Variants in ACVR1 observed in about 807,000 individuals in gnomAD.
ACVR1 encodes activin receptor type-1.
A neutral mutation model predicts 57.1 loss-of-function variants in ACVR1; 38 were observed. The observed-to-expected ratio is 0.67, with a 90% CI of 0.51 to 0.87. The LOEUF (loss-of-function observed/expected upper bound fraction) is 0.87, where lower values mean the gene tolerates loss of function less well. ACVR1 is among the 40% of genes least tolerant of loss of function. ACVR1 has a pLI of 0.00. For missense variants in ACVR1, 463 were observed against 638.2 expected, an observed-to-expected ratio of 0.73 and a Z score of 2.96; for synonymous variants, 212 against 228.1, an observed-to-expected ratio of 0.93 and a Z score of 0.63.
Position 157,875,849 on chromosome 2 carries a change from G to T in ACVR1, c.-236C>A. The T allele has an allele frequency of 6.7e-6, 1 of 149,244 alleles. No individual in the cohort carries two copies. Among genetic ancestry groups the T allele is most frequent in the East Asian group, 2.0e-4 (1 of 5,096 alleles). 9.2% of individuals were successfully genotyped at this position (149,244 alleles called of 1,614,324 possible). On this transcript the variant is annotated 5_prime_UTR_variant, in exon 1 of 11. In the 5' UTR this introduces an upstream ATG that the reference lacks. Transcript: ENST00000434821. ...GCCGGGGGAGGCGGAGTGCGAGGCA[G>T]CCGGGCGCTGCAGGTCGGCGCGGCG...
At chr2:157,816,721 A>C (rs1687952809) in intron 2 of ACVR1, among the ~76,000 whole-genome samples, 1 of 152,210 alleles carries the variant, frequency 6.6e-6, no homozygotes, top group Admixed American at 6.5e-5. Flanking sequence ...AAATCTAAGG[A>C]GGCTGCACAG....
chr2:157,766,028 T>G lies in ACVR1; in HGVS notation c.959A>C (p.His320Pro). The change falls in exon 8 of 11, where the codon CAC becomes CCC. Residue 320 changes from histidine (H) to proline (P), a missense_variant. This residue lies in a region of ACVR1 where 114 missense variants were observed against 216.2 expected (regional missense o/e 0.53). Coordinates refer to ENST00000434821, the MANE Select transcript of ACVR1 (RefSeq NM_001111067.4). ...LSIASGLAHL[H>P]IEIFGTQGKP... ...CCCTTGGGTCCCAAATATCTCTATGTGCAAATGTGCAAGACCACTAGCTAT... is the reference window on the plus strand; with the variant it reads ...CCCTTGGGTCCCAAATATCTCTATGGGCAAATGTGCAAGACCACTAGCTAT... 1 of 1,614,174 alleles carries G rather than the reference T, an allele frequency of 6.2e-7. No individual in the cohort carries two copies. Among genetic ancestry groups the G allele is most frequent in the Non-Finnish European group, 8.5e-7 (1 of 1,180,008 alleles).
At chr2:157,749,186 A>G (rs907387506) in intron 9 of ACVR1, among the ~76,000 whole-genome samples, 6 of 152,188 alleles carry the variant, frequency 3.9e-5, no homozygotes, top group African/African-American at 7.2e-5. Flanking sequence ...GGCATGCCCA[A>G]TTTGAAAGAG....
chr2:157,823,872 A>T (rs949810929), intron 1 of ACVR1, among the ~76,000 whole-genome samples: 6 of 152,158 alleles, frequency 3.9e-5, no homozygotes, highest in Non-Finnish European at 8.8e-5. Context: ...TGAGGCAACA[A>T]AGGCAGTGAG....
At chr2:157,822,348 T>C (rs562955583) in intron 1 of ACVR1, among the ~76,000 whole-genome samples, 1 of 152,362 alleles carries the variant, frequency 6.6e-6, no homozygotes, top group Non-Finnish European at 1.5e-5. Context: ...AGCTATCATT[T>C]AGTGAGCTCT....
At chr2:157,850,923 C>T (rs186064225) in intron 1 of ACVR1, among the ~76,000 whole-genome samples, 1 of 152,152 alleles carries the variant, frequency 6.6e-6, no homozygotes, top group African/African-American at 2.4e-5. Flanking sequence ...CGCCACTGCA[C>T]TCCAGTCTGG....
intron 9 of ACVR1, among the ~76,000 whole-genome samples, chr2:157,756,143 TCA>T (rs1364534228): frequency 6.6e-6 from 1 of 152,066 alleles, no homozygotes; most frequent in Admixed American, 6.6e-5. Context: ...TCCTCATCCT[TCA>T]CCTTATATAA....
intron 1 of ACVR1, among the ~76,000 whole-genome samples, chr2:157,826,938 A>G (rs1688406433): frequency 6.7e-6 from 1 of 149,924 alleles, no homozygotes; most frequent in Admixed American, 6.6e-5. Context: ...AGAAAGAAAG[A>G]GAGAAACAGA....
intron 3 of ACVR1, among the ~76,000 whole-genome samples, chr2:157,795,898 A>G (rs952442731): frequency 7.3e-5 from 11 of 151,644 alleles, no homozygotes; most frequent in Admixed American, 6.6e-5. Flanking sequence ...TGCCTACATC[A>G]CAGGTCCACC....
intron 1 of ACVR1, among the ~76,000 whole-genome samples, chr2:157,834,985 T>A (rs1688727817): frequency 6.6e-6 from 1 of 152,214 alleles, no homozygotes; most frequent in Admixed American, 6.5e-5. Context: ...GATCTTGAGC[T>A]GCCCAGCCTC....
chr2:157,845,430 A>G (rs1689100806), intron 1 of ACVR1, among the ~76,000 whole-genome samples: 1 of 152,172 alleles, frequency 6.6e-6, no homozygotes, highest in Admixed American at 6.5e-5. Context: ...TACACATTGG[A>G]GTCATGCTGC....
At position 157,778,351 on chromosome 2, in the gene ACVR1, G is replaced by A; in HGVS notation, c.332-9C>T. The A allele has an allele frequency of 6.2e-7, 1 of 1,608,532 alleles. No individual in the cohort carries two copies. Among genetic ancestry groups the A allele is most frequent in the Non-Finnish European group, 8.5e-7 (1 of 1,175,792 alleles). ...TCCAGGGAAGGATTTTCCTGGAGTTGGAGGGAAAAGGGGGAATTAGTTGTA... is the reference window on the plus strand; with the variant it reads ...TCCAGGGAAGGATTTTCCTGGAGTTAGAGGGAAAAGGGGGAATTAGTTGTA... On this transcript the variant is annotated splice_polypyrimidine_tract_variant and intron_variant, in intron 4 of 10. Transcript: ENST00000434821.
intron 9 of ACVR1, 28 bp downstream of exon 9, chr2:157,760,852 A>T: frequency 6.2e-7 from 1 of 1,609,494 alleles, no homozygotes. Flanking sequence ...TTGGATTAAG[A>T]CAATATTATA....
At chr2:157,824,300 T>C (rs1688259060) in intron 1 of ACVR1, among the ~76,000 whole-genome samples, 1 of 151,986 alleles carries the variant, frequency 6.6e-6, no homozygotes, top group Admixed American at 6.6e-5. Flanking sequence ...AGACCCCATC[T>C]CTACAAAAAA....
chr2:157,856,391 T>C (rs1000025538), intron 1 of ACVR1, among the ~76,000 whole-genome samples: 3 of 152,202 alleles, frequency 2.0e-5, no homozygotes, highest in African/African-American at 4.8e-5. Context: ...AGTTCTGTAT[T>C]CTCTTTCATC....
intron 6 of ACVR1, among the ~76,000 whole-genome samples, chr2:157,771,542 G>A (rs112246998): frequency 5.6e-4 from 86 of 152,270 alleles, no homozygotes; most frequent in African/African-American, 2.0e-3. Context: ...AGGGCAGTGG[G>A]GCTTTCTACC....
At position 157,737,321 on chromosome 2, in the gene ACVR1, T is replaced by G. The variant is rs886054987; in HGVS notation, c.*210A>C. 12 of 642,652 alleles carry G rather than the reference T, an allele frequency of 1.9e-5. No homozygotes were observed. The highest frequency in any genetic ancestry group is 2.8e-5 in the Non-Finnish European group (10 of 358,826). 39.8% of individuals were successfully genotyped at this position (642,652 alleles called of 1,614,324 possible). A position where few individuals can be genotyped will look rare whatever the true frequency, so the allele number is the denominator to read the frequency against. On this transcript the variant is annotated 3_prime_UTR_variant, in exon 11 of 11. Transcript: ENST00000434821. ...TAGTCTCTGCAGTGTGAACAGTTCG[T>G]GAAATGCCCAGTTCACAGTCATCGA...
At chr2:157,760,769 C>A in intron 9 of ACVR1, 111 bp downstream of exon 9, 1 of 1,083,166 alleles carries the variant, frequency 9.2e-7, no homozygotes, top group Non-Finnish European at 1.4e-6. Context: ...TAACTCGACA[C>A]GTACGATTCA....
chr2:157,763,698 T>C (rs1035370195), intron 8 of ACVR1, among the ~76,000 whole-genome samples: 1 of 152,086 alleles, frequency 6.6e-6, no homozygotes, highest in African/African-American at 2.4e-5. Flanking sequence ...CAGAATAAGA[T>C]CCTCTCTCAA....
Sources: allele counts gnomAD v4.1 joint callset (sites outside exome capture counted in the v4.1 genomes callset), GRCh38; gene constraint gnomAD v4.1.1; regional missense constraint gnomAD v4.1.1; transcripts MANE v1.5; gene names NCBI Gene and HGNC (gene_info 2026-07-23, HGNC 2026-07-21).